ARFIP1: variants seen among roughly 807,000 people sequenced by gnomAD.
The protein encoded by ARFIP1 is arfaptin-1.
ARFIP1 carries 24 observed loss-of-function variants against 42.5 expected under a neutral mutation model. The observed-to-expected ratio is 0.57, with a 90% CI of 0.41 to 0.80. The LOEUF is 0.80. ARFIP1 is among the 30% of genes least tolerant of loss of function. ARFIP1 has a pLI of 0.00. For synonymous variants in ARFIP1, 141 were observed against 153.7 expected (o/e 0.92, Z 0.61); for missense variants, 354 against 434.0 (o/e 0.82, Z 1.64).
chr4:152,783,374 T>G (rs1251256713), intron 1 of ARFIP1, among the ~76,000 whole-genome samples: 1 of 152,192 alleles, frequency 6.6e-6, no homozygotes, highest in East Asian at 1.9e-4. Flanking sequence ...AATGACAAAT[T>G]CGGAAGATAT....
At chr4:152,846,370 C>T (rs539111616) in intron 2 of ARFIP1, among the ~76,000 whole-genome samples, 9 of 152,138 alleles carry the variant, frequency 5.9e-5, no homozygotes, top group African/African-American at 1.4e-4. Flanking sequence ...TGAAATTAAA[C>T]GCACACACAC....
At chr4:152,865,099 G>C (rs191492613) in intron 3 of ARFIP1, among the ~76,000 whole-genome samples, 1 of 151,458 alleles carries the variant, frequency 6.6e-6, no homozygotes, top group East Asian at 1.9e-4. Flanking sequence ...TTATGTCCAT[G>C]CCTTTGTAAA....
chr4:152,851,666 G>A (rs1216907709), intron 2 of ARFIP1, among the ~76,000 whole-genome samples: 1 of 152,088 alleles, frequency 6.6e-6, no homozygotes, highest in East Asian at 1.9e-4. Context: ...AATTGATTGC[G>A]GGACTGACAG....
chr4:152,795,902 CTTTGT>C (rs1731439821), intron 1 of ARFIP1, among the ~76,000 whole-genome samples: 1 of 97,418 alleles, frequency 1.0e-5, no homozygotes, highest in African/African-American at 4.1e-5. Flanking sequence ...TCCTTTTTCC[CTTTGT>C]TTTGTTTTTT....
At chr4:152,812,483 C>A (rs538286019) in intron 1 of ARFIP1, among the ~76,000 whole-genome samples, 1 of 152,190 alleles carries the variant, frequency 6.6e-6, no homozygotes, top group Non-Finnish European at 1.5e-5. Context: ...TGAGCCGCCC[C>A]GTCTGGCCTT....
At chr4:152,814,625 G>A (rs1488870913) in intron 1 of ARFIP1, among the ~76,000 whole-genome samples, 1 of 152,220 alleles carries the variant, frequency 6.6e-6, no homozygotes, top group Non-Finnish European at 1.5e-5. Context: ...GAACAGTCAA[G>A]GCTGCAGTGA....
intron 5 of ARFIP1, among the ~76,000 whole-genome samples, chr4:152,878,971 CT>C (rs1335292667): frequency 6.6e-5 from 10 of 152,238 alleles, no homozygotes; most frequent in African/African-American, 2.4e-4. Flanking sequence ...TCTCCTTTAT[CT>C]TGTTAAAATT....
intron 2 of ARFIP1, among the ~76,000 whole-genome samples, chr4:152,836,631 A>G (rs1425446851): frequency 6.6e-6 from 1 of 152,126 alleles, no homozygotes; most frequent in Non-Finnish European, 1.5e-5. Flanking sequence ...TGATACTGGT[A>G]GTTTATTTCT....
At chr4:152,840,150 G>T (rs1403235810) in intron 2 of ARFIP1, among the ~76,000 whole-genome samples, 1 of 152,140 alleles carries the variant, frequency 6.6e-6, no homozygotes, top group Non-Finnish European at 1.5e-5. Flanking sequence ...GTTTATTGAG[G>T]TTCGTTTTGT....
intron 2 of ARFIP1, among the ~76,000 whole-genome samples, chr4:152,848,140 A>G (rs1233640536): frequency 6.6e-6 from 1 of 152,134 alleles, no homozygotes; most frequent in African/African-American, 2.4e-5. Flanking sequence ...TAGTGGAGAA[A>G]AAAGGCCCTT....
chr4:152,909,364 G>GAC (rs1738653523), intron 8 of ARFIP1, among the ~76,000 whole-genome samples: 1 of 152,180 alleles, frequency 6.6e-6, no homozygotes, highest in Non-Finnish European at 1.5e-5. Context: ...CAGCCTGGGT[G>GAC]ACAGAGCAAG....
intron 8 of ARFIP1, among the ~76,000 whole-genome samples, chr4:152,892,648 G>C (rs1561176441): frequency 1.3e-5 from 2 of 152,168 alleles, no homozygotes; most frequent in Non-Finnish European, 2.9e-5. Context: ...GCAAAAGAAA[G>C]AGGTAAGGTA....
chr4:152,787,904 G>A (rs919108718), intron 1 of ARFIP1, among the ~76,000 whole-genome samples: 1 of 152,200 alleles, frequency 6.6e-6, no homozygotes, highest in South Asian at 2.1e-4. Context: ...TAAATTTTCA[G>A]TTTGACTATT....
intron 2 of ARFIP1, among the ~76,000 whole-genome samples, chr4:152,847,181 G>A (rs1479284693): frequency 3.3e-5 from 4 of 120,962 alleles, no homozygotes; most frequent in Non-Finnish European, 6.5e-5. Flanking sequence ...CCCCCAGGCC[G>A]GAGTGCAATG....
chr4:152,842,403 T>C (rs1369974488), intron 2 of ARFIP1, among the ~76,000 whole-genome samples: 2 of 152,186 alleles, frequency 1.3e-5, no homozygotes, highest in Non-Finnish European at 2.9e-5. Context: ...TAGGATCTTT[T>C]TGCAATGAAT....
rs1374205926 is a variant in ARFIP1 at position 152,910,218 on chromosome 4, A to G, written c.1121A>G (p.Ter374=). 2 of 1,609,022 alleles carry G rather than the reference A, an allele frequency of 1.2e-6. No individual in the cohort carries two copies. Among genetic ancestry groups the G allele is most frequent in the Non-Finnish European group, 1.7e-6 (2 of 1,178,514 alleles). Reference sequence around the variant, plus strand: ...GCCCCATCTTGGCTTGAAGAACAGTAAAATCACAGCGGAAAATAAAAAGAA... The same window carrying G: ...GCCCCATCTTGGCTTGAAGAACAGTGAAATCACAGCGGAAAATAAAAAGAA... The part of the protein sequence containing the change: ...VDAPSWLEEQ[*] Residue 374 remains the stop codon, a stop_retained_variant, in exon 9 of 9, where the codon TAA becomes TGA. Transcript: ENST00000353617.
At chr4:152,819,774 A>G (rs1348710138) in intron 1 of ARFIP1, among the ~76,000 whole-genome samples, 2 of 152,174 alleles carry the variant, frequency 1.3e-5, no homozygotes, top group Admixed American at 6.5e-5. Flanking sequence ...CTCTACCTCA[A>G]CAGTCAGGCA....
intron 7 of ARFIP1, among the ~76,000 whole-genome samples, chr4:152,885,440 A>T (rs1736183256): frequency 6.6e-6 from 1 of 152,050 alleles, no homozygotes; most frequent in Admixed American, 6.6e-5. Context: ...GACTTTTCAG[A>T]TGTGGACACC....
chr4:152,850,063 A>G lies in ARFIP1; in HGVS notation c.94-13543A>G, dbSNP rs1039015183. Among the ~76,000 whole-genome samples the G allele has an allele frequency of 3.9e-5, 6 of 152,242 alleles. No individual in the cohort carries two copies. In the South Asian group the frequency reaches 1.0e-3, roughly 26 times the overall value. ...ATTACCAATTTTACGCATTTCTGCA[A>G]GTATACGGAGGGAAAATAAAATCAC... On this transcript the variant is annotated intron_variant, in intron 2 of 8. Transcript: ENST00000353617.
Sources: gnomAD v4.1 joint callset for allele counts (sites outside exome capture counted in the v4.1 genomes callset) on GRCh38, gnomAD v4.1.1 for gene constraint, MANE v1.5 for transcripts, NCBI Gene and HGNC (gene_info 2026-07-23, HGNC 2026-07-21) for gene names.